SI: variants seen among roughly 807,000 people sequenced by gnomAD.
SI encodes sucrase-isomaltase, intestinal.
Under a neutral mutation model 253.3 loss-of-function variants are expected in SI, and 235 were observed. The observed-to-expected ratio is 0.93, with a 90% CI of 0.83 to 1.03. The LOEUF is 1.03. Ranked by LOEUF, SI falls within the 50% of genes least tolerant of loss-of-function variation. SI has a pLI of 0.00. For missense variants in SI, 2,442 were observed against 2,211.1 expected, an observed-to-expected ratio of 1.10 and a Z score of -2.09; for synonymous variants, 819 against 712.0, an observed-to-expected ratio of 1.15 and a Z score of -2.39.
At chr3:165,072,771 A>C (rs1714667763) in intron 3 of SI, among the ~76,000 whole-genome samples, 2 of 152,116 alleles carry the variant, frequency 1.3e-5, no homozygotes, top group South Asian at 2.1e-4. Context: ...CTTGAAAAAC[A>C]GTCTAAGCTT....
At chr3:165,059,395 A>G (rs891289720) in intron 10 of SI, 96 bp from the exon 11 acceptor site, 17 of 1,197,316 alleles carry the variant, frequency 1.4e-5, no homozygotes, top group Non-Finnish European at 1.8e-5. Flanking sequence ...TATAAACATA[A>G]CCCTTAAAAA....
chr3:165,063,400 A>G, intron 8 of SI, 42 bp downstream of exon 8: 1 of 917,894 alleles, frequency 1.1e-6, no homozygotes, highest in Non-Finnish European at 1.8e-6. Context: ...AAAACATTTC[A>G]AGTGAAATCT....
At position 164,987,186 on chromosome 3, in the gene SI, T is replaced by A. The variant is rs143378401; in HGVS notation, c.5149A>T (p.Asn1717Tyr). The A allele has an allele frequency of 6.2e-7, 1 of 1,613,796 alleles. No individual in the cohort carries two copies. Among genetic ancestry groups the A allele is most frequent in the Non-Finnish European group, 8.5e-7 (1 of 1,179,794 alleles). The change falls in exon 45 of 48, where the codon AAT becomes TAT. Residue 1717 changes from asparagine (N) to tyrosine (Y), a missense_variant. Physicochemically the swap from Asn to Tyr is moderately radical, Grantham distance 143. Transcript: ENST00000264382. ...AACAGAGAACCCTGTGCCATCTGAT[T>A]ATCATCTGCAGCAACAATGAGCTTC... Reference protein sequence around the residue: ...HMKLIVAADDNQMAQGSLFWD... With the variant: ...HMKLIVAADDYQMAQGSLFWD...
rs538180810 is a variant in SI, at chr3:165,054,505, C to T, written c.1512+689G>A. On this transcript the variant is annotated intron_variant, in intron 13 of 47. Coordinates refer to ENST00000264382, the MANE Select transcript of SI (RefSeq NM_001041.4). ...CTTCTGCCTCAGTTACAGGCATGTG[C>T]CACCAAGCCCAACTAATTTTTGTAT... Among the ~76,000 whole-genome samples the T allele has an allele frequency of 3.9e-5, 6 of 152,068 alleles. No individual in the cohort carries two copies. The South Asian group carries it at 8.3e-4, about 21-fold the overall frequency.
rs528535943 is a variant in SI at position 165,059,906 on chromosome 3, G to A, written c.1142C>T (p.Pro381Leu). ...VVRRNREAGI[P>L]FDTQVTDIDY... ...CGGACCCTTTATTCTACTTACAAAT[G>A]GTATGCCAGCTTCCCGGTTTCTCCT... Residue 381 changes from proline (P) to leucine (L), a missense_variant, in exon 10 of 48, where the codon CCA becomes CTA. Pro to Leu is a moderately conservative substitution (Grantham distance 98, BLOSUM62 -3). Transcript: ENST00000264382. 53 of 1,611,056 alleles carry A rather than the reference G, an allele frequency of 3.3e-5. No homozygotes were observed. Among genetic ancestry groups the A allele is most frequent in the Non-Finnish European group, 4.2e-5 (50 of 1,177,822 alleles).
chr3:164,997,619 T>C (rs186025075), intron 38 of SI, among the ~76,000 whole-genome samples: 6 of 151,896 alleles, frequency 4.0e-5, no homozygotes, highest in African/African-American at 1.4e-4. Flanking sequence ...GACAGGCTGT[T>C]ACTCAATCCT....
In SI at chr3:165,065,316, T is replaced by C. The variant is rs768888806; in HGVS notation, c.752A>G (p.His251Arg). Residue 251 changes from histidine (H) to arginine (R), a missense_variant, in exon 7 of 48, where the codon CAT becomes CGT. Coordinates refer to ENST00000264382, the MANE Select transcript of SI (RefSeq NM_001041.4). ...IGEQVHKRFR[H>R]DLSWKTWPIF... ...TGGCCATGTTTTCCAGGATAAATCATGACGAAATCTCTTATGAACTTGTTC... is the reference window on the plus strand; with the variant it reads ...TGGCCATGTTTTCCAGGATAAATCACGACGAAATCTCTTATGAACTTGTTC... 1 of 1,608,632 alleles carries C rather than the reference T, an allele frequency of 6.2e-7. No individual in the cohort carries two copies.
rs764857120 is a variant in SI, at chr3:165,036,462, T to C, written c.2442A>G (p.Leu814=). ...VTTTASRKNP[L]GLIVALGENN... is the part of the protein sequence containing the mutation. Reference sequence around the variant, plus strand: ...TTTCACCTAATGCGACTATAAGTCCTAGAGGATTCTTACGGCTGTTAAGAA... The same window carrying C: ...TTTCACCTAATGCGACTATAAGTCCCAGAGGATTCTTACGGCTGTTAAGAA... The change falls in exon 22 of 48, where the codon CTA becomes CTG. Residue 814 remains leucine (L), a synonymous_variant. Coordinates refer to ENST00000264382, the MANE Select transcript of SI (RefSeq NM_001041.4). The C allele has an allele frequency of 6.2e-7, 1 of 1,610,878 alleles. No homozygotes were observed. The highest frequency in any genetic ancestry group is 1.3e-5 in the African/African-American group (1 of 74,908).
chr3:165,028,243 G>A (rs1712029889), intron 25 of SI, among the ~76,000 whole-genome samples: 1 of 151,326 alleles, frequency 6.6e-6, no homozygotes, highest in Admixed American at 6.6e-5. Flanking sequence ...AACCAAGGAG[G>A]TGAAAGACCT....
chr3:165,065,454 G>C, intron 6 of SI, 22 bp from the exon 7 acceptor site: 1 of 685,274 alleles, frequency 1.5e-6, no homozygotes, highest in Non-Finnish European at 2.1e-6. Context: ...AAGAAATAAA[G>C]AAATAATCTA....
upstream of SI, among the ~76,000 whole-genome samples, chr3:165,079,336 G>T (rs887742411): frequency 2.0e-5 from 3 of 151,542 alleles, no homozygotes; most frequent in Non-Finnish European, 4.4e-5. Flanking sequence ...CTCTGAAATT[G>T]TCAGAGTCTA....
chr3:164,982,189 T>G (rs555066181), intron 47 of SI, 54 bp downstream of exon 47: 10 of 1,354,154 alleles, frequency 7.4e-6, no homozygotes, highest in Non-Finnish European at 9.5e-6. Flanking sequence ...AAGAAGTCCA[T>G]GTAGATGCTT....
chr3:165,063,802 T>G (rs1714093360), intron 7 of SI, among the ~76,000 whole-genome samples: 1 of 150,532 alleles, frequency 6.6e-6, no homozygotes, highest in African/African-American at 2.4e-5. Context: ...ACTGTCCTAT[T>G]TCATTTTAAT....
chr3:164,982,595 A>G (rs1024817504), intron 46 of SI, among the ~76,000 whole-genome samples, 185 bp from the exon 47 acceptor site: 3 of 152,008 alleles, frequency 2.0e-5, no homozygotes, highest in Non-Finnish European at 4.4e-5. Context: ...CTTTTTTCCT[A>G]TGTATCTATT....
intron 25 of SI, among the ~76,000 whole-genome samples, chr3:165,028,682 G>C (rs184915168): frequency 1.1e-4 from 17 of 149,620 alleles, no homozygotes; most frequent in Admixed American, 1.1e-3. Flanking sequence ...AAAACATAAA[G>C]TGAGGAAAGG....
intron 37 of SI, among the ~76,000 whole-genome samples, chr3:165,003,135 T>C (rs777923796): frequency 2.0e-5 from 3 of 151,876 alleles, no homozygotes; most frequent in African/African-American, 7.2e-5. Flanking sequence ...TAATGATGAA[T>C]TTATTTAAAT....
At chr3:165,029,687 T>A (rs1269343535) in intron 25 of SI, among the ~76,000 whole-genome samples, 1 of 148,488 alleles carries the variant, frequency 6.7e-6, no homozygotes, top group African/African-American at 2.4e-5. Context: ...ATTTCACATT[T>A]TCATGTTTAG....
chr3:165,039,872 A>G lies in SI; in HGVS notation c.2244+15T>C. On this transcript the variant is annotated intron_variant, in intron 19 of 47. Transcript: ENST00000264382. The stretch of plus-strand genomic sequence containing the variant: ...AAAGTTCAAACAATAAGGTTATTAA[A>G]CCTGTAGAGCCTACCTGTTTTAGAA... 6.3e-7 allele frequency: 1 copy of G among 1,580,746 alleles called. No homozygotes were observed. The highest frequency in any genetic ancestry group is 2.2e-5 in the East Asian group (1 of 44,632).
intron 32 of SI, 118 bp from the exon 33 acceptor site, chr3:165,015,351 A>AT: frequency 1.4e-6 from 1 of 724,884 alleles, no homozygotes; most frequent in Non-Finnish European, 2.5e-6. Context: ...CTCTCACATT[A>AT]AATGACAAAT....
Sources: gnomAD v4.1 joint callset for allele counts (sites outside exome capture counted in the v4.1 genomes callset) on GRCh38, gnomAD v4.1.1 for gene constraint, MANE v1.5 for transcripts, NCBI Gene and HGNC (gene_info 2026-07-23, HGNC 2026-07-21) for gene names.